AUTS2: variants seen among roughly 807,000 people sequenced by gnomAD.
AUTS2 encodes autism susceptibility gene 2 protein.
In AUTS2, 17 loss-of-function variants were observed where a neutral mutation model predicts 112.4. The ratio of observed to expected loss-of-function variants is 0.15; its 90% CI spans 0.10 to 0.23. The LOEUF (loss-of-function observed/expected upper bound fraction) is 0.23, where lower values mean the gene tolerates loss of function less well. Among genes scored for constraint, AUTS2 ranks in the 10% least tolerant of loss-of-function variants. AUTS2 has a pLI of 1.00. For missense variants in AUTS2, 1,510 were observed against 1,701.6 expected, an observed-to-expected ratio of 0.89 and a Z score of 1.98; for synonymous variants, 751 against 702.7, an observed-to-expected ratio of 1.07 and a Z score of -1.09.
At chr7:69,942,138 G>A (rs1402986467) in intron 2 of AUTS2, among the ~76,000 whole-genome samples, 2 of 152,056 alleles carry the variant, frequency 1.3e-5, no homozygotes, top group East Asian at 3.9e-4. Flanking sequence ...TAGTTTTCTT[G>A]GCTCAGCATG....
At chr7:70,290,384 G>A in intron 4 of AUTS2, 2 of 1,513,006 alleles carry the variant, frequency 1.3e-6, no homozygotes, top group East Asian at 5.2e-5. Context: ...GGGAAGATGT[G>A]CCTTGGAGAG....
intron 5 of AUTS2, among the ~76,000 whole-genome samples, chr7:70,570,173 G>A (rs768155702): frequency 6.6e-6 from 1 of 152,184 alleles, no homozygotes; most frequent in Non-Finnish European, 1.5e-5. Flanking sequence ...GGTTAGGCAG[G>A]TCTGGCCTAG....
chr7:70,246,683 C>T (rs1017282524), intron 4 of AUTS2, among the ~76,000 whole-genome samples: 2 of 151,928 alleles, frequency 1.3e-5, no homozygotes, highest in South Asian at 4.2e-4. Context: ...TCTTGTCTTA[C>T]TACTCTTCCG....
intron 5 of AUTS2, among the ~76,000 whole-genome samples, chr7:70,480,079 C>A (rs1797731505): frequency 1.3e-5 from 2 of 152,272 alleles, no homozygotes; most frequent in South Asian, 4.1e-4. Context: ...TGCTTGCAGG[C>A]AAGAAACAGG....
At chr7:70,401,319 T>C (rs1794317406) in intron 4 of AUTS2, among the ~76,000 whole-genome samples, 1 of 152,148 alleles carries the variant, frequency 6.6e-6, no homozygotes. Context: ...TATCAGCTCC[T>C]CCTGGGGAAG....
At chr7:70,739,826 AG>A (rs1787999587) in intron 6 of AUTS2, among the ~76,000 whole-genome samples, 1 of 129,414 alleles carries the variant, frequency 7.7e-6, no homozygotes, top group Non-Finnish European at 1.6e-5. Context: ...AAAAAAAAAA[AG>A]TCTTCCTTAC....
intron 1 of AUTS2, among the ~76,000 whole-genome samples, chr7:69,875,342 A>G (rs899399779): frequency 2.6e-5 from 4 of 152,332 alleles, no homozygotes; most frequent in African/African-American, 9.6e-5. Context: ...GATAATTGAG[A>G]AAAAGTAACT....
At chr7:70,438,777 G>A (rs544585087) in intron 5 of AUTS2, among the ~76,000 whole-genome samples, 1 of 152,168 alleles carries the variant, frequency 6.6e-6, no homozygotes. Context: ...TTGCTTGGAG[G>A]ATTCGCATTC....
intron 2 of AUTS2, among the ~76,000 whole-genome samples, chr7:70,016,079 C>T (rs573455741): frequency 2.6e-5 from 4 of 152,062 alleles, no homozygotes; most frequent in East Asian, 1.9e-4. Flanking sequence ...AAGCAAATCT[C>T]GGGATATCAA....
chr7:69,796,366 A>C lies in AUTS2; in HGVS notation c.310-102920A>C, dbSNP rs373836755. 1.6e-4 allele frequency among the ~76,000 whole-genome samples: 25 copies of C among 152,222 alleles called. No homozygotes were observed. The East Asian group carries it at 4.8e-3, about 29-fold the overall frequency. On this transcript the variant is annotated intron_variant, in intron 1 of 18. Coordinates refer to ENST00000342771, the MANE Select transcript of AUTS2 (RefSeq NM_015570.4). ...GACTTCGTTCTCTACCAAACAAACAAACAAAAGCTAGTTGTGCATGGTGGT... is the reference window on the plus strand; with the variant it reads ...GACTTCGTTCTCTACCAAACAAACACACAAAAGCTAGTTGTGCATGGTGGT...
intron 4 of AUTS2, among the ~76,000 whole-genome samples, chr7:70,409,744 C>G (rs983360229): frequency 6.6e-6 from 1 of 152,130 alleles, no homozygotes; most frequent in Non-Finnish European, 1.5e-5. Context: ...TTATTTTTCA[C>G]GTATTATGCT....
chr7:70,150,428 A>G (rs1462974610), intron 4 of AUTS2, among the ~76,000 whole-genome samples: 3 of 152,188 alleles, frequency 2.0e-5, no homozygotes, highest in Non-Finnish European at 4.4e-5. Context: ...AAATACAGAA[A>G]CACAAAAAGT....
chr7:70,658,128 C>A (rs1187056041), intron 5 of AUTS2, among the ~76,000 whole-genome samples: 1 of 152,312 alleles, frequency 6.6e-6, no homozygotes, highest in East Asian at 1.9e-4. Flanking sequence ...CCATTGGCCT[C>A]AACTATCCTG....
At chr7:69,645,671 C>G (rs1399699581) in intron 1 of AUTS2, among the ~76,000 whole-genome samples, 1 of 152,048 alleles carries the variant, frequency 6.6e-6, no homozygotes, top group Non-Finnish European at 1.5e-5. Context: ...TCCCAGTGCC[C>G]AATCCCCTCA....
intron 5 of AUTS2, among the ~76,000 whole-genome samples, chr7:70,465,629 C>T (rs1022618863): frequency 6.6e-6 from 1 of 152,148 alleles, no homozygotes. Flanking sequence ...CCTCGTATTC[C>T]ATGCAGTCCT....
chr7:70,030,326 CATA>C (rs1330505240), intron 2 of AUTS2, among the ~76,000 whole-genome samples: 2 of 152,184 alleles, frequency 1.3e-5, no homozygotes, highest in Non-Finnish European at 2.9e-5. Context: ...TGAACATCAT[CATA>C]ATGTCACATT....
chr7:70,618,927 A>C (rs531810997), intron 5 of AUTS2, among the ~76,000 whole-genome samples: 7 of 152,188 alleles, frequency 4.6e-5, no homozygotes, highest in Non-Finnish European at 1.0e-4. Flanking sequence ...GAGAGGGAAA[A>C]GCTTTATTGT....
intron 6 of AUTS2, among the ~76,000 whole-genome samples, chr7:70,735,168 T>A (rs1173562703): frequency 6.6e-6 from 1 of 152,222 alleles, no homozygotes; most frequent in Non-Finnish European, 1.5e-5. Flanking sequence ...GTAAGTGTCC[T>A]CTTTTAGAAT....
intron 2 of AUTS2, among the ~76,000 whole-genome samples, chr7:70,063,028 G>T (rs114882774): frequency 0.029 from 4,437 of 152,154 alleles, 245 homozygotes; most frequent in African/African-American, 0.1. Context: ...GCCCTTTTGT[G>T]CCTTGTTTGT....
Sources: gnomAD v4.1 joint callset for allele counts (sites outside exome capture counted in the v4.1 genomes callset) on GRCh38, gnomAD v4.1.1 for gene constraint, MANE v1.5 for transcripts, NCBI Gene and HGNC (gene_info 2026-07-23, HGNC 2026-07-21) for gene names.